LRP1B: variants seen among roughly 807,000 people sequenced by gnomAD.
The protein encoded by LRP1B is LDL receptor related protein 1B.
In LRP1B, 217 loss-of-function variants were observed where a neutral mutation model predicts 556.6. The ratio of observed to expected loss-of-function variants is 0.39; its 90% CI spans 0.35 to 0.44. The LOEUF is 0.44. LRP1B is among the 20% of genes least tolerant of loss of function. The pLI, the probability that LRP1B is intolerant of heterozygous loss-of-function variation, is 1.00. For synonymous variants in LRP1B, 2,047 were observed against 1,865.8 expected, an observed-to-expected ratio of 1.10 and a Z score of -2.50; for missense variants, 5,053 against 5,620.8, an observed-to-expected ratio of 0.90 and a Z score of 3.23.
intron 11 of LRP1B, among the ~76,000 whole-genome samples, chr2:141,041,821 G>A (rs1698709852): frequency 8.9e-5 from 2 of 22,432 alleles, no homozygotes; most frequent in Admixed American, 1.1e-3. Flanking sequence ...GTTATATCAT[G>A]TATGTATGTA....
intron 32 of LRP1B, among the ~76,000 whole-genome samples, chr2:140,802,748 A>T (rs926267675): frequency 1.3e-5 from 2 of 152,146 alleles, no homozygotes; most frequent in African/African-American, 4.8e-5. Flanking sequence ...TATTACAGTC[A>T]GGGCATTACA....
intron 1 of LRP1B, among the ~76,000 whole-genome samples, chr2:141,817,388 C>T (rs911078459): frequency 2.6e-5 from 4 of 152,022 alleles, no homozygotes; most frequent in Non-Finnish European, 5.9e-5. Context: ...CAAGCATAGC[C>T]TACACAGTTT....
intron 43 of LRP1B, among the ~76,000 whole-genome samples, chr2:140,589,236 G>GA (rs1471996795): frequency 2.0e-5 from 3 of 152,040 alleles, no homozygotes; most frequent in Non-Finnish European, 4.4e-5. Flanking sequence ...AATCTCATGT[G>GA]AAAAGAATGG....
chr2:140,505,891 A>T (rs548608615), intron 53 of LRP1B, among the ~76,000 whole-genome samples: 172 of 152,342 alleles, frequency 1.1e-3, no homozygotes, highest in South Asian at 2.7e-3. Context: ...TTACGAAAAC[A>T]TTAAGTTCAC....
intron 41 of LRP1B, among the ~76,000 whole-genome samples, chr2:140,688,055 C>A (rs945309829): frequency 1.3e-5 from 2 of 152,106 alleles, no homozygotes; most frequent in Non-Finnish European, 2.9e-5. Context: ...AATGCTGCTT[C>A]TAATCCTACA....
intron 1 of LRP1B, among the ~76,000 whole-genome samples, chr2:142,112,181 G>T (rs1707016854): frequency 2.0e-5 from 3 of 151,970 alleles, no homozygotes; most frequent in African/African-American, 7.3e-5. Flanking sequence ...CCTTACTCTA[G>T]TCTAGGCGAT....
intron 41 of LRP1B, among the ~76,000 whole-genome samples, chr2:140,644,205 G>T (rs1039817467): frequency 6.6e-6 from 1 of 152,046 alleles, no homozygotes; most frequent in Non-Finnish European, 1.5e-5. Context: ...GTACACACTT[G>T]ATTATATAAT....
intron 20 of LRP1B, among the ~76,000 whole-genome samples, chr2:140,926,874 T>A (rs1694901798): frequency 6.6e-6 from 1 of 152,138 alleles, no homozygotes; most frequent in Non-Finnish European, 1.5e-5. Context: ...CTCTGAGTGT[T>A]TCTTTATCTC....
chr2:141,433,343 G>C (rs975943637), intron 3 of LRP1B, among the ~76,000 whole-genome samples: 5 of 152,016 alleles, frequency 3.3e-5, no homozygotes, highest in African/African-American at 1.2e-4. Flanking sequence ...TGGTCCGTGT[G>C]TGCTTAAGAA....
chr2:140,709,879 A>C (rs1276427242), intron 37 of LRP1B, among the ~76,000 whole-genome samples: 1 of 152,076 alleles, frequency 6.6e-6, no homozygotes, highest in Non-Finnish European at 1.5e-5. Flanking sequence ...TTTTCTCTCT[A>C]AATTCAAGTC....
chr2:141,955,720 A>G (rs753295499), intron 1 of LRP1B, among the ~76,000 whole-genome samples: 61 of 151,958 alleles, frequency 4.0e-4, no homozygotes, highest in Non-Finnish European at 7.5e-4. Flanking sequence ...CCTTATTGAG[A>G]ACCACAGCTA....
At chr2:140,453,780 G>C (rs1558893123) in intron 62 of LRP1B, among the ~76,000 whole-genome samples, 1 of 151,988 alleles carries the variant, frequency 6.6e-6, no homozygotes, top group South Asian at 2.1e-4. Flanking sequence ...AATTCTTATT[G>C]ATGTGATTTG....
intron 41 of LRP1B, among the ~76,000 whole-genome samples, chr2:140,615,121 T>A (rs992495727): frequency 1.4e-4 from 21 of 152,236 alleles, no homozygotes; most frequent in African/African-American, 4.6e-4. Context: ...CTCCTAGAGA[T>A]AACATCACTA....
intron 43 of LRP1B, among the ~76,000 whole-genome samples, chr2:140,595,408 A>T (rs1352928169): frequency 6.6e-6 from 1 of 151,932 alleles, no homozygotes; most frequent in Non-Finnish European, 1.5e-5. Flanking sequence ...ATAAAAGAAC[A>T]CCCTGTGTAT....
chr2:142,130,570 A>C (rs1426167645), intron 1 of LRP1B, 78 bp downstream of exon 1: 1 of 1,240,608 alleles, frequency 8.1e-7, no homozygotes, highest in Non-Finnish European at 1.1e-6. Context: ...TAAGTTTCAC[A>C]CTCACTTATC....
At chr2:140,725,743 C>T (rs1369532889) in intron 35 of LRP1B, among the ~76,000 whole-genome samples, 1 of 152,030 alleles carries the variant, frequency 6.6e-6, no homozygotes, top group Non-Finnish European at 1.5e-5. Flanking sequence ...GTTCTGATCA[C>T]ACCTGCCACT....
chr2:140,636,256 G>A (rs932389016), intron 41 of LRP1B, among the ~76,000 whole-genome samples: 7 of 152,056 alleles, frequency 4.6e-5, no homozygotes, highest in Non-Finnish European at 1.0e-4. Flanking sequence ...CCCTTAGCAT[G>A]GAAGACTCAA....
At chr2:140,477,007 G>C (rs1558908891) in intron 59 of LRP1B, among the ~76,000 whole-genome samples, 1 of 151,944 alleles carries the variant, frequency 6.6e-6, no homozygotes, top group Non-Finnish European at 1.5e-5. Flanking sequence ...TTTTGTTATA[G>C]TTTTCTTTTG....
rs1279432329 is a variant in LRP1B, at chr2:140,287,187, G to T, written c.12967+10621C>A. Among the ~76,000 whole-genome samples the T allele has an allele frequency of 2.6e-5, 4 of 151,744 alleles. No individual in the cohort carries two copies. In the Admixed American group the frequency reaches 2.6e-4, roughly 10 times the overall value. ...ATCCAACAAAATTCAAAAATCCACT[G>T]AAATTGTTTTAAAACATTTTATTTA... On this transcript the variant is annotated intron_variant, in intron 84 of 90. Transcript: ENST00000389484.
Sources: allele counts gnomAD v4.1 joint callset (sites outside exome capture counted in the v4.1 genomes callset), GRCh38; gene constraint gnomAD v4.1.1; transcripts MANE v1.5; gene names NCBI Gene and HGNC (gene_info 2026-07-23, HGNC 2026-07-21).